The following PLCB1 variants were observed in gnomAD, a reference collection of about 807,000 sequenced individuals.
The protein encoded by PLCB1 is phospholipase C beta 1, also known as 1-phosphatidylinositol 4,5-bisphosphate phosphodiesterase beta-1.
A neutral mutation model predicts 161.8 loss-of-function variants in PLCB1; 46 were observed. That is an observed-to-expected ratio of 0.28 (90% confidence interval 0.22 to 0.36). PLCB1 has a LOEUF of 0.36. Ranked by LOEUF, PLCB1 falls within the 10% of genes least tolerant of loss-of-function variation. PLCB1 has a pLI of 1.00. For synonymous variants in PLCB1, 517 were observed against 503.7 expected (o/e 1.03, Z -0.35); for missense variants, 1,016 against 1,472.5 (o/e 0.69, Z 5.07).
chr20:8,385,438 G>C (rs1987396712), intron 3 of PLCB1, among the ~76,000 whole-genome samples: 1 of 152,188 alleles, frequency 6.6e-6, no homozygotes, highest in Non-Finnish European at 1.5e-5. Context: ...CCCCACCCAG[G>C]GAGCTTAGCG....
intron 2 of PLCB1, among the ~76,000 whole-genome samples, chr20:8,179,211 C>T (rs568041746): frequency 1.2e-4 from 19 of 152,116 alleles, no homozygotes; most frequent in Admixed American, 6.6e-4. Flanking sequence ...CGAGTTTGTA[C>T]GTTGCTTTGG....
chr20:8,149,235 G>T (rs1423704311), intron 1 of PLCB1, among the ~76,000 whole-genome samples: 1 of 152,078 alleles, frequency 6.6e-6, no homozygotes, highest in Non-Finnish European at 1.5e-5. Context: ...ATTTCTCACA[G>T]CAACCTTCTG....
intron 2 of PLCB1, among the ~76,000 whole-genome samples, chr20:8,335,641 A>G (rs1002026194): frequency 6.6e-6 from 1 of 152,166 alleles, no homozygotes; most frequent in African/African-American, 2.4e-5. Context: ...GTGCTCCTGC[A>G]ATGTCTTCCT....
intron 3 of PLCB1, among the ~76,000 whole-genome samples, chr20:8,447,279 C>A (rs1338801263): frequency 2.0e-5 from 3 of 152,094 alleles, no homozygotes; most frequent in Admixed American, 6.5e-5. Context: ...GATTTAGGGG[C>A]CTGGGTTTTA....
intron 3 of PLCB1, among the ~76,000 whole-genome samples, chr20:8,449,728 C>T (rs1980990867): frequency 6.6e-6 from 1 of 152,190 alleles, no homozygotes; most frequent in Admixed American, 6.5e-5. Context: ...CATCTTCCTT[C>T]CCTATCTCAT....
At position 8,727,301 on chromosome 20, in the gene PLCB1, T is replaced by A. The variant is rs575846094; in HGVS notation, c.1679-8T>A. 2.6e-6 allele frequency: 4 copies of A among 1,527,148 alleles called. No homozygotes were observed. In the South Asian group the frequency reaches 4.6e-5, roughly 17 times the overall value. 94.6% of individuals were successfully genotyped at this position (1,527,148 alleles called of 1,614,324 possible). ...TCCCCTTTTTTGTTTTGTTGTTGCT[T>A]AACTCAGAAAGAAATAAAAGTTTTG... On this transcript the variant is annotated splice_polypyrimidine_tract_variant and splice_region_variant and intron_variant, in intron 16 of 31. Coordinates refer to ENST00000338037, the MANE Select transcript of PLCB1 (RefSeq NM_015192.4).
intron 27 of PLCB1, among the ~76,000 whole-genome samples, chr20:8,778,329 A>G (rs1438613219): frequency 6.6e-6 from 1 of 152,166 alleles, no homozygotes; most frequent in East Asian, 1.9e-4. Flanking sequence ...AAAGTCATGC[A>G]AAACCTAAAC....
At chr20:8,481,994 A>G (rs1365046220) in intron 3 of PLCB1, among the ~76,000 whole-genome samples, 3 of 152,084 alleles carry the variant, frequency 2.0e-5, no homozygotes, top group Non-Finnish European at 4.4e-5. Context: ...ATTTTCATGA[A>G]CATTCGCAGC....
intron 2 of PLCB1, among the ~76,000 whole-genome samples, chr20:8,241,607 T>C (rs549993211): frequency 6.6e-6 from 1 of 152,066 alleles, no homozygotes; most frequent in South Asian, 2.1e-4. Context: ...TTTTTATGTA[T>C]GTTATCTAAT....
chr20:8,531,225 A>G (rs1272260730), intron 3 of PLCB1, among the ~76,000 whole-genome samples: 1 of 152,104 alleles, frequency 6.6e-6, no homozygotes, highest in East Asian at 1.9e-4. Flanking sequence ...CCATGTAACA[A>G]AAGACCGTAA....
At chr20:8,215,252 T>G (rs1456178579) in intron 2 of PLCB1, among the ~76,000 whole-genome samples, 1 of 152,072 alleles carries the variant, frequency 6.6e-6, no homozygotes, top group East Asian at 1.9e-4. Context: ...ATGTATCTGC[T>G]TCTTAAATTT....
intron 2 of PLCB1, among the ~76,000 whole-genome samples, chr20:8,237,347 T>A (rs1363884477): frequency 1.3e-5 from 2 of 151,988 alleles, no homozygotes; most frequent in Non-Finnish European, 2.9e-5. Context: ...TCAAGGGAAA[T>A]ATGCAGATTA....
At chr20:8,637,810 G>A (rs138606403) in intron 4 of PLCB1, among the ~76,000 whole-genome samples, 1 of 152,296 alleles carries the variant, frequency 6.6e-6, no homozygotes, top group Non-Finnish European at 1.5e-5. Context: ...TATTATATTT[G>A]TTTTAAACTT....
At chr20:8,402,818 C>T (rs769164993) in intron 3 of PLCB1, among the ~76,000 whole-genome samples, 1 of 151,886 alleles carries the variant, frequency 6.6e-6, no homozygotes. Context: ...GCACTCCAGC[C>T]TGGGCAACAG....
chr20:8,145,794 TGGAATTAATAC>T (rs1470057827), intron 1 of PLCB1, among the ~76,000 whole-genome samples: 2 of 152,154 alleles, frequency 1.3e-5, no homozygotes, highest in African/African-American at 4.8e-5. Context: ...AAGAAACAGA[TGGAATTAATAC>T]GAATACTATA....
At chr20:8,393,792 C>T (rs193298741) in intron 3 of PLCB1, among the ~76,000 whole-genome samples, 1 of 152,148 alleles carries the variant, frequency 6.6e-6, no homozygotes, top group East Asian at 1.9e-4. Context: ...TATAAATGTT[C>T]TAAAAGCCAT....
chr20:8,569,948 G>T (rs945966534), intron 3 of PLCB1, among the ~76,000 whole-genome samples: 1 of 152,158 alleles, frequency 6.6e-6, no homozygotes, highest in African/African-American at 2.4e-5. Flanking sequence ...TCATGTAACT[G>T]TGTAACTAGA....
intron 2 of PLCB1, among the ~76,000 whole-genome samples, chr20:8,308,384 A>G (rs1984231491): frequency 6.6e-6 from 1 of 151,944 alleles, no homozygotes; most frequent in Non-Finnish European, 1.5e-5. Context: ...CGGGAGGCCA[A>G]GGTGAGCGGA....
intron 3 of PLCB1, among the ~76,000 whole-genome samples, chr20:8,578,352 T>A (rs1230951310): frequency 6.6e-6 from 1 of 152,202 alleles, no homozygotes; most frequent in East Asian, 1.9e-4. Flanking sequence ...CTCTCAACAG[T>A]CCTTGATCTT....
Sources: allele counts gnomAD v4.1 joint callset (sites outside exome capture counted in the v4.1 genomes callset), GRCh38; gene constraint gnomAD v4.1.1; transcripts MANE v1.5; gene names NCBI Gene and HGNC (gene_info 2026-07-23, HGNC 2026-07-21).